Variants in ANKS1B observed in about 807,000 individuals in gnomAD.
ANKS1B encodes ankyrin repeat and sterile alpha motif domain containing 1B, also known as ankyrin repeat and sterile alpha motif domain-containing protein 1B.
ANKS1B carries 36 observed loss-of-function variants against 148.3 expected under a neutral mutation model. The ratio of observed to expected loss-of-function variants is 0.24; its 90% confidence interval spans 0.19 to 0.32. The LOEUF (loss-of-function observed/expected upper bound fraction) is 0.32, where lower values mean the gene tolerates loss of function less well. Ranked by LOEUF, ANKS1B falls within the 10% of genes least tolerant of loss-of-function variation. The pLI is 1.00. For missense variants in ANKS1B, 1,157 were observed against 1,542.6 expected, an observed-to-expected ratio of 0.75 and a Z score of 4.19; for synonymous variants, 542 against 560.8, an observed-to-expected ratio of 0.97 and a Z score of 0.47.
intron 17 of ANKS1B, among the ~76,000 whole-genome samples, chr12:98,947,031 G>A (rs2099846576): frequency 6.6e-6 from 1 of 151,408 alleles, no homozygotes. Context: ...GAGTTTTCTA[G>A]GCAGAGGATA....
At position 99,898,414 on chromosome 12, in the gene ANKS1B, A is replaced by G. The variant is rs1565953470; in HGVS notation, c.135-73025T>C. ...CAAACAGGACTTTCTGTCCTCCAAA[A>G]AGAAAAAACCTTCCCCAAGGAACAG... On this transcript the variant is annotated intron_variant, in intron 1 of 26. Coordinates refer to ENST00000683438, the MANE Select transcript of ANKS1B (RefSeq NM_001352186.2). 2.0e-5 allele frequency among the ~76,000 whole-genome samples: 3 copies of G among 152,268 alleles called. No homozygotes were observed. The South Asian group carries it at 6.2e-4, about 32-fold the overall frequency.
At chr12:99,311,515 T>A (rs148922792) in intron 12 of ANKS1B, among the ~76,000 whole-genome samples, 139 of 152,226 alleles carry the variant, frequency 9.1e-4, no homozygotes, top group African/African-American at 3.2e-3. Flanking sequence ...AGTATCAATA[T>A]AGAAGTAAAC....
intron 1 of ANKS1B, among the ~76,000 whole-genome samples, chr12:99,959,227 A>ATTTTTTTTTT (rs71088166): frequency 1.7e-3 from 168 of 99,866 alleles, no homozygotes; most frequent in African/African-American, 1.9e-3. Context: ...CACCCAGTTA[A>ATTTTTTTTTT]TTTTTTTTTT....
chr12:98,913,060 A>G (rs183967228), intron 17 of ANKS1B, among the ~76,000 whole-genome samples: 3 of 152,220 alleles, frequency 2.0e-5, no homozygotes, highest in East Asian at 3.9e-4. Context: ...CACTTTACTC[A>G]TTTGTATTAT....
chr12:99,238,492 A>G (rs1229908218), intron 14 of ANKS1B, among the ~76,000 whole-genome samples: 1 of 152,168 alleles, frequency 6.6e-6, no homozygotes, highest in Non-Finnish European at 1.5e-5. Flanking sequence ...TAGCAGAACA[A>G]AAGGCAGCAG....
At chr12:99,769,019 T>C (rs1253733660) in intron 8 of ANKS1B, among the ~76,000 whole-genome samples, 1 of 151,292 alleles carries the variant, frequency 6.6e-6, no homozygotes, top group East Asian at 1.9e-4. Context: ...ATGCTTTTTT[T>C]TTTTTCCAAG....
At chr12:99,738,550 A>C (rs7397913) in intron 8 of ANKS1B, among the ~76,000 whole-genome samples, 26,965 of 152,106 alleles carry the variant, frequency 0.18, 2,924 homozygotes, top group East Asian at 0.5. Flanking sequence ...TTCTAAATAA[A>C]TCTGACTGAC....
intron 1 of ANKS1B, among the ~76,000 whole-genome samples, chr12:99,958,062 C>T (rs550382006): frequency 2.7e-4 from 41 of 152,178 alleles, no homozygotes; most frequent in Admixed American, 5.2e-4. Context: ...AGGGAAGCAC[C>T]ATAGAGAGAG....
At chr12:99,055,887 A>C (rs2099969415) in intron 16 of ANKS1B, among the ~76,000 whole-genome samples, 1 of 152,318 alleles carries the variant, frequency 6.6e-6, no homozygotes, top group African/African-American at 2.4e-5. Context: ...TTGGAAAATA[A>C]AAAAATAAAA....
chr12:99,716,646 T>A (rs1427241776), intron 8 of ANKS1B, among the ~76,000 whole-genome samples: 1 of 152,072 alleles, frequency 6.6e-6, no homozygotes, highest in Admixed American at 6.5e-5. Flanking sequence ...ATTCTTGTCG[T>A]AAAATGGGCA....
chr12:99,289,175 G>T lies in ANKS1B; in HGVS notation c.1757-42311C>A, dbSNP rs149777528. On this transcript the variant is annotated intron_variant, in intron 12 of 26. Coordinates refer to ENST00000683438, the MANE Select transcript of ANKS1B (RefSeq NM_001352186.2). The stretch of plus-strand genomic sequence containing the variant: ...TAAAAACTACAAAAAGTGATAAAAG[G>T]GTTATTATATAACAATAAAGGTGTC... 6.8e-3 allele frequency among the ~76,000 whole-genome samples: 1,037 copies of T among 151,960 alleles called. 15 individuals are homozygous for T. Among genetic ancestry groups the T allele is most frequent in the African/African-American group, 0.024 (994 of 41,500 alleles).
chr12:99,519,121 A>AT (rs2096850802), intron 9 of ANKS1B, among the ~76,000 whole-genome samples: 1 of 152,150 alleles, frequency 6.6e-6, no homozygotes, highest in African/African-American at 2.4e-5. Flanking sequence ...ATGTTTTCAA[A>AT]TTTGTTTTGT....
chr12:98,895,290 A>G (rs1376448927), intron 17 of ANKS1B: 2 of 984,742 alleles, frequency 2.0e-6, no homozygotes, highest in Non-Finnish European at 2.4e-6. Context: ...CTCGGTTACT[A>G]TGGATATCTC....
intron 1 of ANKS1B, among the ~76,000 whole-genome samples, chr12:99,897,896 G>A (rs1416150469): frequency 2.7e-5 from 4 of 146,922 alleles, no homozygotes; most frequent in African/African-American, 9.9e-5. Flanking sequence ...CCAGCAAACA[G>A]TTTTCCCAAA....
intron 14 of ANKS1B, among the ~76,000 whole-genome samples, chr12:99,238,023 C>G (rs571918740): frequency 6.6e-6 from 1 of 152,274 alleles, no homozygotes; most frequent in South Asian, 2.1e-4. Context: ...ACTGAGGTAC[C>G]TGGTTCATCT....
At chr12:99,588,448 G>A (rs1265370558) in intron 9 of ANKS1B, among the ~76,000 whole-genome samples, 1 of 150,334 alleles carries the variant, frequency 6.7e-6, no homozygotes, top group Non-Finnish European at 1.5e-5. Flanking sequence ...ACAGAGTCTC[G>A]CTCTGTCACC....
intron 17 of ANKS1B, among the ~76,000 whole-genome samples, chr12:99,016,921 T>C (rs1049837707): frequency 6.6e-6 from 1 of 152,216 alleles, no homozygotes; most frequent in South Asian, 2.1e-4. Context: ...CCCTGTCCTT[T>C]GATCTTAATC....
At chr12:99,882,081 A>G (rs1229273928) in intron 1 of ANKS1B, among the ~76,000 whole-genome samples, 2 of 152,242 alleles carry the variant, frequency 1.3e-5, no homozygotes, top group African/African-American at 4.8e-5. Flanking sequence ...AGACGTGAAG[A>G]AGAACCAAAT....
intron 12 of ANKS1B, among the ~76,000 whole-genome samples, chr12:99,317,946 T>C (rs1420429412): frequency 6.6e-6 from 1 of 152,252 alleles, no homozygotes; most frequent in Non-Finnish European, 1.5e-5. Flanking sequence ...TCTTTGGTTC[T>C]GTTTATATGA....
Sources: gnomAD v4.1 joint callset for allele counts (sites outside exome capture counted in the v4.1 genomes callset) on GRCh38, gnomAD v4.1.1 for gene constraint, MANE v1.5 for transcripts, NCBI Gene and HGNC (gene_info 2026-07-23, HGNC 2026-07-21) for gene names.